Variants in ZCWPW2 observed in about 807,000 individuals in gnomAD.
ZCWPW2 encodes the protein zinc finger CW-type and PWWP domain containing 2.
ZCWPW2 carries 45 observed loss-of-function variants against 46.6 expected under a neutral mutation model. That is an observed-to-expected ratio of 0.96 (90% CI 0.76 to 1.24). The LOEUF (loss-of-function observed/expected upper bound fraction) is 1.24, where lower values mean the gene tolerates loss of function less well. Ranked by LOEUF, ZCWPW2 falls within the 50% of genes most tolerant of loss-of-function variation. The pLI is 0.00. For synonymous variants in ZCWPW2, 152 were observed against 137.1 expected, an observed-to-expected ratio of 1.11 and a Z score of -0.76; for missense variants, 429 against 403.9, an observed-to-expected ratio of 1.06 and a Z score of -0.53.
intron 1 of ZCWPW2, among the ~76,000 whole-genome samples, chr3:28,349,679 G>T (rs754442313): frequency 6.6e-6 from 1 of 152,112 alleles, no homozygotes; most frequent in Non-Finnish European, 1.5e-5. Flanking sequence ...ATTGAAGGTC[G>T]CAGCCAGGTG....
At chr3:28,352,878 A>C (rs895154191) in intron 1 of ZCWPW2, among the ~76,000 whole-genome samples, 1 of 152,180 alleles carries the variant, frequency 6.6e-6, no homozygotes, top group African/African-American at 2.4e-5. Context: ...ATGCATTTCC[A>C]ATAAAAGCTT....
At chr3:28,513,858 A>G (rs1433128658) in intron 6 of ZCWPW2, among the ~76,000 whole-genome samples, 4 of 151,938 alleles carry the variant, frequency 2.6e-5, no homozygotes, top group African/African-American at 7.3e-5. Context: ...ATCCAAATCA[A>G]ATCAGTTTAG....
intron 6 of ZCWPW2, among the ~76,000 whole-genome samples, chr3:28,513,472 G>A (rs914099073): frequency 5.3e-5 from 8 of 151,878 alleles, no homozygotes; most frequent in South Asian, 2.1e-4. Context: ...TTTGTGTCCC[G>A]GTGAGTGAAG....
chr3:28,441,230 C>A (rs964378502), intron 4 of ZCWPW2, among the ~76,000 whole-genome samples: 1 of 152,204 alleles, frequency 6.6e-6, no homozygotes, highest in African/African-American at 2.4e-5. Context: ...ATACAAATAT[C>A]TTCACCGTTT....
At chr3:28,376,395 T>C (rs1705500918) in intron 1 of ZCWPW2, among the ~76,000 whole-genome samples, 3 of 152,168 alleles carry the variant, frequency 2.0e-5, no homozygotes, top group Admixed American at 1.3e-4. Context: ...ATTACCCATA[T>C]CTTTACAGAT....
chr3:28,422,104 C>T (rs960857521), intron 3 of ZCWPW2, among the ~76,000 whole-genome samples: 1 of 151,876 alleles, frequency 6.6e-6, no homozygotes, highest in African/African-American at 2.4e-5. Flanking sequence ...TGGAGAGTTT[C>T]CGTATGTCCC....
intron 3 of ZCWPW2, among the ~76,000 whole-genome samples, chr3:28,417,467 A>T (rs2125745027): frequency 6.6e-6 from 1 of 152,270 alleles, no homozygotes; most frequent in Admixed American, 6.5e-5. Flanking sequence ...TCCTTTTGAA[A>T]CTATTCCAAT....
intron 3 of ZCWPW2, among the ~76,000 whole-genome samples, chr3:28,417,638 C>G (rs1696656681): frequency 7.3e-6 from 1 of 136,962 alleles, no homozygotes; most frequent in Non-Finnish European, 1.6e-5. Context: ...CAAACCGAAT[C>G]CAGCAGCACA....
At chr3:28,423,813 C>T (rs536928394) in intron 3 of ZCWPW2, among the ~76,000 whole-genome samples, 1 of 152,208 alleles carries the variant, frequency 6.6e-6, no homozygotes, top group South Asian at 2.1e-4. Flanking sequence ...GTAAATGCTT[C>T]TTGCAAGTTT....
chr3:28,475,008 A>ATT (rs71626520), intron 4 of ZCWPW2, among the ~76,000 whole-genome samples: 6 of 151,060 alleles, frequency 4.0e-5, no homozygotes, highest in Non-Finnish European at 8.8e-5. Context: ...TTTTATTATT[A>ATT]TTTTTTTTAT....
intron 1 of ZCWPW2, among the ~76,000 whole-genome samples, chr3:28,373,499 G>A (rs1011899067): frequency 1.3e-5 from 2 of 151,416 alleles, no homozygotes; most frequent in African/African-American, 4.9e-5. Flanking sequence ...ATGGAGTCTC[G>A]CTCTGTTGCC....
intron 3 of ZCWPW2, among the ~76,000 whole-genome samples, chr3:28,430,193 CA>C (rs1424927603): frequency 6.6e-6 from 1 of 152,236 alleles, no homozygotes; most frequent in Admixed American, 6.5e-5. Context: ...CTGTACCTTG[CA>C]CAGCCACAGG....
chr3:28,358,838 C>T (rs189125786), intron 1 of ZCWPW2, among the ~76,000 whole-genome samples: 7 of 150,998 alleles, frequency 4.6e-5, no homozygotes, highest in Admixed American at 1.3e-4. Flanking sequence ...CTCATTTTAC[C>T]CCCCCCAACA....
intron 1 of ZCWPW2, among the ~76,000 whole-genome samples, chr3:28,369,951 C>T (rs965817986): frequency 1.2e-4 from 18 of 152,002 alleles, no homozygotes; most frequent in Admixed American, 5.2e-4. Flanking sequence ...TAGGACCCTC[C>T]GAGCCAGGCA....
chr3:28,366,693 G>C (rs62251136), intron 1 of ZCWPW2, among the ~76,000 whole-genome samples: 2 of 148,368 alleles, frequency 1.3e-5, no homozygotes, highest in African/African-American at 2.4e-5. Context: ...TTTTTCTATT[G>C]ATTGGAATAG....
intron 1 of ZCWPW2, among the ~76,000 whole-genome samples, chr3:28,382,154 C>T (rs1695128179): frequency 1.5e-5 from 2 of 130,354 alleles, no homozygotes; most frequent in Admixed American, 1.7e-4. Context: ...AAGAGTCAAA[C>T]TGCATCTCAA....
chr3:28,389,638 T>G (rs1265556374), intron 1 of ZCWPW2, among the ~76,000 whole-genome samples: 1 of 152,216 alleles, frequency 6.6e-6, no homozygotes, highest in Non-Finnish European at 1.5e-5. Context: ...TAAGATTTTG[T>G]TCTTTTAGAA....
intron 2 of ZCWPW2, among the ~76,000 whole-genome samples, chr3:28,402,591 A>T (rs541783305): frequency 6.6e-6 from 1 of 152,328 alleles, no homozygotes; most frequent in Admixed American, 6.5e-5. Context: ...CGAGAAAAAG[A>T]CATAAGCAAA....
intron 3 of ZCWPW2, among the ~76,000 whole-genome samples, chr3:28,423,858 C>G (rs545491253): frequency 6.6e-6 from 1 of 152,160 alleles, no homozygotes; most frequent in African/African-American, 2.4e-5. Context: ...ACCCTCCTTC[C>G]TCTCAAATAG....
Sources: gnomAD v4.1 joint callset for allele counts (sites outside exome capture counted in the v4.1 genomes callset) on GRCh38, gnomAD v4.1.1 for gene constraint, MANE v1.5 for transcripts, NCBI Gene and HGNC (gene_info 2026-07-23, HGNC 2026-07-21) for gene names.